The following IARS1 variants were observed in gnomAD, a reference collection of about 807,000 sequenced individuals.
The protein encoded by IARS1 is isoleucyl-tRNA synthetase 1.
Under a neutral mutation model 168.2 loss-of-function variants are expected in IARS1, and 124 were observed. The observed-to-expected ratio is 0.74, with a 90% CI of 0.64 to 0.86. The LOEUF is 0.86. Ranked by LOEUF, IARS1 falls within the 40% of genes least tolerant of loss-of-function variation. The pLI is 0.00. For synonymous variants in IARS1, 532 were observed against 529.4 expected (o/e 1.00, Z -0.07); for missense variants, 1,452 against 1,515.8 (o/e 0.96, Z 0.70).
Position 92,289,318 on chromosome 9 carries a change from T to C in IARS1, c.102A>G (p.Gln34=). ...EFNCFQECLK[Q]SKHKPKFTFY... ...TCACATACTTTGGTTTATGTTTTGATTGCTTTAAGCATTCCTGAAAACAAT... is the reference window on the plus strand; with the variant it reads ...TCACATACTTTGGTTTATGTTTTGACTGCTTTAAGCATTCCTGAAAACAAT... Residue 34 remains glutamine (Q), a synonymous_variant, in exon 2 of 34, where the codon CAA becomes CAG. Transcript: ENST00000443024. The C allele has an allele frequency of 6.7e-7, 1 of 1,492,318 alleles. No individual in the cohort carries two copies. Among genetic ancestry groups the C allele is most frequent in the Non-Finnish European group, 9.3e-7 (1 of 1,075,856 alleles). The allele number at this position is 1,492,318 out of a possible 1,614,324, so 92.4% of individuals were successfully genotyped here. A position where few individuals can be genotyped will look rare whatever the true frequency, so the allele number is the denominator to read the frequency against.
intron 33 of IARS1, among the ~76,000 whole-genome samples, chr9:92,214,157 T>C (rs928165038): frequency 1.3e-5 from 2 of 151,998 alleles, no homozygotes; most frequent in South Asian, 2.1e-4. Context: ...GGGTTGTCAG[T>C]GTCTCCAAGG....
intron 18 of IARS1, among the ~76,000 whole-genome samples, chr9:92,259,689 A>G (rs943187461): frequency 1.3e-5 from 2 of 152,228 alleles, no homozygotes; most frequent in Non-Finnish European, 2.9e-5. Flanking sequence ...GTGTGGTTTC[A>G]TGATTACAGC....
chr9:92,291,542 T>C (rs1265973872), intron 1 of IARS1, among the ~76,000 whole-genome samples: 1 of 152,226 alleles, frequency 6.6e-6, no homozygotes, highest in Non-Finnish European at 1.5e-5. Flanking sequence ...CTAACTGAAA[T>C]AGCTATTTCT....
intron 20 of IARS1, among the ~76,000 whole-genome samples, chr9:92,254,510 A>G (rs912182075): frequency 1.3e-5 from 2 of 152,252 alleles, no homozygotes; most frequent in African/African-American, 2.4e-5. Flanking sequence ...CACAAAGACC[A>G]GAACTCAGAT....
intron 16 of IARS1, among the ~76,000 whole-genome samples, chr9:92,264,494 TG>T (rs1051329817): frequency 2.6e-5 from 4 of 152,186 alleles, no homozygotes; most frequent in African/African-American, 9.7e-5. Flanking sequence ...TTTAAAAATC[TG>T]GATTTTTTTA....
At chr9:92,241,650 C>A (rs1189409901) in intron 29 of IARS1, among the ~76,000 whole-genome samples, 1 of 152,144 alleles carries the variant, frequency 6.6e-6, no homozygotes, top group Non-Finnish European at 1.5e-5. Flanking sequence ...TCTAAATGAT[C>A]TACTTCTAAG....
chr9:92,268,024 G>A lies in IARS1; in HGVS notation c.1431+150C>T, dbSNP rs922351717. ...AAACCCCAGAAACAGATTATCTTAT[G>A]TCATGATTCTAGAAAGGAATAAAGA... On this transcript the variant is annotated intron_variant, in intron 14 of 33. Transcript: ENST00000443024. The A allele has an allele frequency of 2.7e-5, 22 of 816,308 alleles. No homozygotes were observed. The African/African-American group carries it at 3.4e-4, about 13-fold the overall frequency. 50.6% of individuals were successfully genotyped at this position (816,308 alleles called of 1,614,324 possible).
At chr9:92,223,306 C>CCAG in intron 32 of IARS1, 40 bp downstream of exon 32, 1 of 1,558,786 alleles carries the variant, frequency 6.4e-7, no homozygotes, top group Non-Finnish European at 8.7e-7. Context: ...ACTTCAATGC[C>CCAG]CAGCACCCCA....
chr9:92,266,055 G>C (rs1425041839), intron 14 of IARS1, among the ~76,000 whole-genome samples: 3 of 152,194 alleles, frequency 2.0e-5, no homozygotes, highest in Admixed American at 6.5e-5. Flanking sequence ...CCTACTCTTA[G>C]TCTCTGAAGA....
At chr9:92,241,543 A>ACCAG (rs1009572572) in intron 29 of IARS1, among the ~76,000 whole-genome samples, 31 of 152,102 alleles carry the variant, frequency 2.0e-4, no homozygotes, top group African/African-American at 6.0e-4. Flanking sequence ...ATGGGGTTTC[A>ACCAG]CCAGCCCAGG....
At chr9:92,277,585 G>A (rs773415159) in intron 9 of IARS1, among the ~76,000 whole-genome samples, 19 of 151,776 alleles carry the variant, frequency 1.3e-4, no homozygotes, top group Non-Finnish European at 2.5e-4. Flanking sequence ...TGGGGCAGGG[G>A]AATCACTTGA....
Position 92,214,575 on chromosome 9 carries a change from G to A in IARS1, c.3707-3686C>T, listed in dbSNP as rs950508632. Among the ~76,000 whole-genome samples, 7 of 152,334 alleles carry A rather than the reference G, an allele frequency of 4.6e-5. No homozygotes were observed. In the East Asian group the frequency reaches 1.4e-3, roughly 30 times the overall value. On this transcript the variant is annotated intron_variant, in intron 33 of 33. Coordinates refer to ENST00000443024, the MANE Select transcript of IARS1 (RefSeq NM_002161.6). ...GTCAGTGGGTGCACGCACCGTGCGCGAGCCGAAGCAGGGCGAGGCATTGCC... is the reference window on the plus strand; with the variant it reads ...GTCAGTGGGTGCACGCACCGTGCGCAAGCCGAAGCAGGGCGAGGCATTGCC...
At chr9:92,277,358 G>C (rs1416138320) in intron 9 of IARS1, among the ~76,000 whole-genome samples, 1 of 152,154 alleles carries the variant, frequency 6.6e-6, no homozygotes, top group African/African-American at 2.4e-5. Flanking sequence ...CTGGGGGGCA[G>C]AGGTTGCAGT....
chr9:92,240,027 T>C (rs570870019), intron 30 of IARS1, among the ~76,000 whole-genome samples: 22 of 152,276 alleles, frequency 1.4e-4, no homozygotes, highest in Admixed American at 1.4e-3. Context: ...AGTTCCAACT[T>C]TGGGTATACG....
chr9:92,254,373 A>T (rs1346465993), intron 20 of IARS1, among the ~76,000 whole-genome samples: 3 of 152,228 alleles, frequency 2.0e-5, no homozygotes, highest in Admixed American at 6.5e-5. Context: ...CAAAAAGAAT[A>T]AGACCGATAC....
rs1314084222 is a variant in IARS1 at position 92,288,290 on chromosome 9, G to A, written c.120-8C>T. 6.2e-7 allele frequency: 1 copy of A among 1,613,384 alleles called. No individual in the cohort carries two copies. The highest frequency in any genetic ancestry group is 1.1e-5 in the South Asian group (1 of 91,008). On this transcript the variant is annotated splice_region_variant and splice_polypyrimidine_tract_variant and intron_variant, in intron 2 of 33. Transcript: ENST00000443024. ...CCATCATAGAAGGTAAATCTAACAG[G>A]TAATAAAAATATATCAAGCCATTTA... is the stretch of plus-strand genomic sequence containing the variant.
chr9:92,268,715 AG>A (rs1832632401), intron 13 of IARS1, among the ~76,000 whole-genome samples: 1 of 152,218 alleles, frequency 6.6e-6, no homozygotes, highest in South Asian at 2.1e-4. Context: ...CCCTCTCTAT[AG>A]TCACCTCTCT....
chr9:92,237,972 C>A (rs183306073), intron 30 of IARS1, among the ~76,000 whole-genome samples: 1 of 152,238 alleles, frequency 6.6e-6, no homozygotes, highest in East Asian at 1.9e-4. Context: ...GGAGCGTGAT[C>A]TTGGCTCACT....
rs1452031473 is a variant in IARS1, at chr9:92,229,463, GTTC to G, written c.3284-340_3284-338del. Among the ~76,000 whole-genome samples, 7 of 151,734 alleles carry G rather than the reference GTTC, an allele frequency of 4.6e-5. No homozygotes were observed. In the East Asian group the frequency reaches 1.4e-3, roughly 29 times the overall value. ...GGCATAGAACTCTACCAGGCAATCT[GTTC>G]TTGTCTTTTTCTAGATTTAAACCTT... On this transcript the variant is annotated intron_variant, in intron 30 of 33. Coordinates refer to ENST00000443024, the MANE Select transcript of IARS1 (RefSeq NM_002161.6).
Sources: gnomAD v4.1 joint callset for allele counts (sites outside exome capture counted in the v4.1 genomes callset) on GRCh38, gnomAD v4.1.1 for gene constraint, MANE v1.5 for transcripts, NCBI Gene and HGNC (gene_info 2026-07-23, HGNC 2026-07-21) for gene names.